Variants in TRPM2 observed in about 807,000 individuals in gnomAD.
The protein encoded by TRPM2 is transient receptor potential cation channel subfamily M member 2.
TRPM2 carries 161 observed loss-of-function variants against 174.0 expected under a neutral mutation model. The observed-to-expected ratio is 0.93, with a 90% confidence interval of 0.81 to 1.05. TRPM2 has a LOEUF of 1.05. TRPM2 is among the 50% of genes least tolerant of loss of function. The pLI, the probability that TRPM2 is intolerant of heterozygous loss-of-function variation, is 0.00. For missense variants in TRPM2, 2,057 were observed against 2,038.0 expected (o/e 1.01, Z -0.18); for synonymous variants, 954 against 861.3 (o/e 1.11, Z -1.88).
intron 21 of TRPM2, 33 bp downstream of exon 21, chr21:44,418,141 C>A: frequency 6.3e-7 from 1 of 1,590,704 alleles, no homozygotes; most frequent in Non-Finnish European, 8.6e-7. Context: ...CCTGAATGTC[C>A]TGGCCACCCG....
intron 16 of TRPM2, among the ~76,000 whole-genome samples, chr21:44,404,112 C>T (rs1405215492): frequency 6.6e-6 from 1 of 151,966 alleles, no homozygotes; most frequent in Non-Finnish European, 1.5e-5. Flanking sequence ...TATACATATG[C>T]ACACATGAAT....
intron 25 of TRPM2, 137 bp from the exon 26 acceptor site, chr21:44,426,523 G>T (rs1418538274): frequency 2.2e-6 from 2 of 916,274 alleles, no homozygotes; most frequent in Non-Finnish European, 3.5e-6. Flanking sequence ...GATCTGCCCA[G>T]CTTGGAGCTT....
At chr21:44,420,884 A>G (rs2050524063) in intron 22 of TRPM2, among the ~76,000 whole-genome samples, 1 of 152,152 alleles carries the variant, frequency 6.6e-6, no homozygotes, top group South Asian at 2.1e-4. Flanking sequence ...TTTTCCTTCC[A>G]CTTTTACCCA....
intron 5 of TRPM2, among the ~76,000 whole-genome samples, chr21:44,373,636 C>CTGCATTATATGCGACCTG (rs1569029940): frequency 1.4e-5 from 2 of 140,444 alleles, no homozygotes; most frequent in Admixed American, 7.1e-5. Flanking sequence ...TATATGCGAC[C>CTGCATTATATGCGACCTG]CGGATAGGCT....
At chr21:44,417,157 C>T (rs1483081392) in intron 20 of TRPM2, among the ~76,000 whole-genome samples, 1 of 127,674 alleles carries the variant, frequency 7.8e-6, no homozygotes, top group Non-Finnish European at 1.6e-5. Flanking sequence ...GGCACGTGGG[C>T]GTGGCTCTGC....
chr21:44,390,985 T>C lies in TRPM2; in HGVS notation c.1400T>C (p.Ile467Thr). ...GCAGTGGCATGGAATCGCGTGGACA[T>C]TGCCCGCAGTGAGATCTTCATGGAT... is the stretch of plus-strand genomic sequence containing the variant. ...KLAVAWNRVDIARSEIFMDEW... is the reference protein window; with the variant it reads ...KLAVAWNRVDTARSEIFMDEW... Residue 467 changes from isoleucine (I) to threonine (T), a missense_variant, in exon 10 of 32, where the codon ATT (isoleucine) becomes ACT (threonine). By Grantham distance (89) the Ile-to-Thr change is moderately conservative. Coordinates refer to ENST00000397928, the MANE Select transcript of TRPM2 (RefSeq NM_003307.4). 1 of 1,614,044 alleles carries C rather than the reference T, an allele frequency of 6.2e-7. No individual in the cohort carries two copies. Among genetic ancestry groups the C allele is most frequent in the African/African-American group, 1.3e-5 (1 of 75,030 alleles).
At position 44,353,706 on chromosome 21, in the gene TRPM2, G is replaced by T; in HGVS notation, c.6G>T (p.Glu2Asp). The T allele has an allele frequency of 6.6e-7, 1 of 1,509,676 alleles. No homozygotes were observed. Among genetic ancestry groups the T allele is most frequent in the Non-Finnish European group, 8.8e-7 (1 of 1,133,172 alleles). The allele number at this position is 1,509,676 out of a possible 1,614,324, so 93.5% of individuals were successfully genotyped here. Reference sequence around the variant, plus strand: ...GCTGGCGTGGGGGTCTCAGAATGGAGCCCTCAGCCCTGAGGAAAGCTGGCT... The same window carrying T: ...GCTGGCGTGGGGGTCTCAGAATGGATCCCTCAGCCCTGAGGAAAGCTGGCT... M[E>D]PSALRKAGSE... The change falls in exon 1 of 32, where the codon GAG becomes GAT. Residue 2 changes from glutamate (E) to aspartate (D), a missense_variant. By Grantham distance (45) the Glu-to-Asp change is conservative. Coordinates refer to ENST00000397928, the MANE Select transcript of TRPM2 (RefSeq NM_003307.4).
intron 8 of TRPM2, among the ~76,000 whole-genome samples, chr21:44,381,952 GGATAGATAGATAGATAGATAGATA>G (rs71197895): frequency 8.4e-5 from 12 of 143,480 alleles, no homozygotes; most frequent in Admixed American, 7.0e-5. Context: ...ATAGATAGAT[GGATAGATAGATAGATAGATAGATA>G]GATAGATAGA....
chr21:44,423,744 G>A lies in TRPM2; in HGVS notation c.3549+12G>A. On this transcript the variant is annotated intron_variant, in intron 23 of 31. Coordinates refer to ENST00000397928, the MANE Select transcript of TRPM2 (RefSeq NM_003307.4). Reference sequence around the variant, plus strand: ...CCCTGGAGGAGCAGGTGGGTCCGAGGTCGGGGCCTCCGTCAGGAGGTGCCA... The same window carrying A: ...CCCTGGAGGAGCAGGTGGGTCCGAGATCGGGGCCTCCGTCAGGAGGTGCCA... 4 of 1,595,802 alleles carry A rather than the reference G, an allele frequency of 2.5e-6. No individual in the cohort carries two copies. Among genetic ancestry groups the A allele is most frequent in the Non-Finnish European group, 3.4e-6 (4 of 1,173,706 alleles).
At position 44,399,883 on chromosome 21, in the gene TRPM2, C is replaced by T. The variant is rs1190159115; in HGVS notation, c.2209-376C>T. Among the ~76,000 whole-genome samples the T allele has an allele frequency of 1.3e-5, 2 of 152,178 alleles. No individual in the cohort carries two copies. The highest frequency in any genetic ancestry group is 2.9e-5 in the Non-Finnish European group (2 of 68,014). ...GCTCCCAGCGAGTGCCCCTTGCACG[C>T]TGGGCTTCCTTGGAGCGCCGAGCTA... is the stretch of plus-strand genomic sequence containing the variant. On this transcript the variant is annotated intron_variant, in intron 14 of 31. Coordinates refer to ENST00000397928, the MANE Select transcript of TRPM2 (RefSeq NM_003307.4). The surrounding 1 kb of genome is among the most constrained non-coding windows in gnomAD (Gnocchi z 4.6).
chr21:44,353,890 C>T lies in TRPM2; in HGVS notation c.165+25C>T, dbSNP rs757438379. 1.8e-5 allele frequency: 28 copies of T among 1,590,132 alleles called. No individual in the cohort carries two copies. The Admixed American group carries it at 3.4e-4, about 19-fold the overall frequency. ...GGTAGGCTTTCTGCTGGTCAGCCTG[C>T]AGTTGGCACGTGGCCACGGAGGTCA... On this transcript the variant is annotated intron_variant, in intron 1 of 31. Transcript: ENST00000397928.
At chr21:44,361,977 C>T (rs567018894) in intron 2 of TRPM2, among the ~76,000 whole-genome samples, 32 of 152,240 alleles carry the variant, frequency 2.1e-4, no homozygotes, top group African/African-American at 5.5e-4. Context: ...CCAAAGTGTT[C>T]GGATTACAGG....
chr21:44,378,759 T>C (rs1246103324), intron 7 of TRPM2, among the ~76,000 whole-genome samples: 1 of 152,220 alleles, frequency 6.6e-6, no homozygotes, highest in Admixed American at 6.5e-5. Flanking sequence ...GCTGGGAGTC[T>C]TTGATTCTGC....
rs759049727 is a variant in TRPM2 at position 44,432,301 on chromosome 21, C to T, written c.3975-2830C>T. ...GCTCCTGGTGTTCCTGGCAGCCCTT[C>T]GTGTTCCTTGGCTTGTGATCTCTGC... is the stretch of plus-strand genomic sequence containing the variant. On this transcript the variant is annotated intron_variant, in intron 27 of 31. Coordinates refer to ENST00000397928, the MANE Select transcript of TRPM2 (RefSeq NM_003307.4). This position sits in a 1 kb window ranked among gnomAD's most constrained non-coding sequence, Gnocchi z 4.9. 3.4e-4 allele frequency among the ~76,000 whole-genome samples: 52 copies of T among 152,294 alleles called. No homozygotes were observed. Among genetic ancestry groups the T allele is most frequent in the Admixed American group, 7.2e-4 (11 of 15,302 alleles).
At chr21:44,429,634 A>C (rs1463426414) in intron 27 of TRPM2, among the ~76,000 whole-genome samples, 1 of 152,108 alleles carries the variant, frequency 6.6e-6, no homozygotes, top group Non-Finnish European at 1.5e-5. Context: ...ATATAGGGGC[A>C]TTATTAATTT....
rs758289490 is a variant in TRPM2, at chr21:44,399,276, G to T, written c.2063-20G>T. 5.0e-6 allele frequency: 8 copies of T among 1,605,322 alleles called. No individual in the cohort carries two copies. In the Admixed American group the frequency reaches 1.3e-4, roughly 27 times the overall value. On this transcript the variant is annotated intron_variant, in intron 13 of 31. Transcript: ENST00000397928. This position sits in a 1 kb window ranked among gnomAD's most constrained non-coding sequence, Gnocchi z 4.6. ...GATTGTGACCTGCTGCTCTGACGGG[G>T]CTCTCATATCTCCGCCCAGGGGTCT...
At chr21:44,379,661 T>C (rs1296995045) in intron 8 of TRPM2, among the ~76,000 whole-genome samples, 1 of 151,592 alleles carries the variant, frequency 6.6e-6, no homozygotes, top group African/African-American at 2.4e-5. Context: ...AGTCCAGGGG[T>C]AGATTTTGGG....
At chr21:44,420,476 TG>T (rs1163456826) in intron 22 of TRPM2, among the ~76,000 whole-genome samples, 3 of 152,218 alleles carry the variant, frequency 2.0e-5, no homozygotes, top group Non-Finnish European at 4.4e-5. Flanking sequence ...GTTCCTGGCC[TG>T]GCAGGGTTGC....
chr21:44,363,537 C>CT (rs895365593), intron 2 of TRPM2, among the ~76,000 whole-genome samples: 11 of 152,230 alleles, frequency 7.2e-5, no homozygotes, highest in African/African-American at 2.4e-4. Context: ...TATATCTTCT[C>CT]TTTTTTTACT....
Sources: allele counts gnomAD v4.1 joint callset (sites outside exome capture counted in the v4.1 genomes callset), GRCh38; gene constraint gnomAD v4.1.1; non-coding constraint Gnocchi (gnomAD v3.1); transcripts MANE v1.5; gene names NCBI Gene and HGNC (gene_info 2026-07-23, HGNC 2026-07-21).